TMBIM6: variants seen among roughly 807,000 people sequenced by gnomAD.
TMBIM6 encodes bax inhibitor 1.
A neutral mutation model predicts 31.4 loss-of-function variants in TMBIM6; 13 were observed. The observed-to-expected ratio is 0.41, with a 90% confidence interval of 0.27 to 0.66. The LOEUF is 0.66. TMBIM6 is among the 30% of genes least tolerant of loss of function. The pLI, the probability that TMBIM6 is intolerant of heterozygous loss-of-function variation, is 0.28. For synonymous variants in TMBIM6, 85 were observed against 101.7 expected, an observed-to-expected ratio of 0.84 and a Z score of 0.99; for missense variants, 275 against 289.5, an observed-to-expected ratio of 0.95 and a Z score of 0.36.
intron 3 of TMBIM6, among the ~76,000 whole-genome samples, chr12:49,755,212 C>T (rs1463578179): frequency 6.6e-6 from 1 of 152,162 alleles, no homozygotes; most frequent in East Asian, 1.9e-4. Context: ...CCACCTCGGC[C>T]TCCCAAAGTG....
chr12:49,761,817 G>A, intron 9 of TMBIM6, 38 bp downstream of exon 9: 1 of 1,597,968 alleles, frequency 6.3e-7, no homozygotes, highest in East Asian at 2.2e-5. Context: ...GACAATAATG[G>A]CTCCTGAGCT....
intron 4 of TMBIM6, among the ~76,000 whole-genome samples, chr12:49,756,422 TAGTACC>T (rs1243001752): frequency 6.9e-6 from 1 of 144,238 alleles, no homozygotes; most frequent in East Asian, 2.1e-4. Context: ...GCGTGAGCCA[TAGTACC>T]CTGCCTCCTG....
chr12:49,742,010 C>T (rs1945304003), intron 1 of TMBIM6: 2 of 1,358,286 alleles, frequency 1.5e-6, no homozygotes, highest in East Asian at 2.5e-5. Context: ...CACGTCCTTC[C>T]GAGGTGAAGG....
rs111432591 is a variant in TMBIM6 at position 49,760,038 on chromosome 12, G to T, written c.614+717G>T. 2.7e-5 allele frequency among the ~76,000 whole-genome samples: 4 copies of T among 150,776 alleles called. No homozygotes were observed. In the South Asian group the frequency reaches 8.4e-4, roughly 32 times the overall value. On this transcript the variant is annotated intron_variant, in intron 8 of 9. Coordinates refer to ENST00000267115, the MANE Select transcript of TMBIM6 (RefSeq NM_003217.3). ...GAGGCAGGAGAATGGTGTGAACCGG[G>T]GAGGCGGAGCTTGCAGTGAGCGGAG... is the stretch of plus-strand genomic sequence containing the variant.
chr12:49,743,951 T>G (rs147145452), intron 1 of TMBIM6, among the ~76,000 whole-genome samples: 5 of 152,166 alleles, frequency 3.3e-5, no homozygotes, highest in Admixed American at 6.5e-5. Context: ...CAGGTATTGA[T>G]CATCATCGTT....
At chr12:49,747,896 G>GT (rs887487099) in intron 1 of TMBIM6, among the ~76,000 whole-genome samples, 9 of 151,884 alleles carry the variant, frequency 5.9e-5, no homozygotes, top group South Asian at 2.1e-4. Context: ...GAATGGTTGT[G>GT]TTTTTTTTAA....
chr12:49,760,146 T>C (rs1945687291), intron 8 of TMBIM6, among the ~76,000 whole-genome samples: 1 of 150,356 alleles, frequency 6.7e-6, no homozygotes, highest in Non-Finnish European at 1.5e-5. Flanking sequence ...GGGGGGTGGC[T>C]ATATATTTAC....
chr12:49,743,531 GAA>G (rs1201518005), intron 1 of TMBIM6: 3 of 151,962 alleles, frequency 2.0e-5, no homozygotes, highest in Non-Finnish European at 4.4e-5. Context: ...CTTTCCTAAA[GAA>G]AAAGAGTCAT....
intron 1 of TMBIM6, 62 bp from the exon 2 acceptor site, chr12:49,752,402 T>TA: frequency 8.0e-7 from 1 of 1,252,496 alleles, no homozygotes; most frequent in Non-Finnish European, 1.1e-6. Context: ...TTTTTTTTTT[T>TA]TTATAAGCTG....
chr12:49,753,908 A>G (rs935627514), intron 3 of TMBIM6, among the ~76,000 whole-genome samples: 1 of 150,190 alleles, frequency 6.7e-6, no homozygotes, highest in Non-Finnish European at 1.5e-5. Context: ...TAACCCCAAA[A>G]TCAATACTCA....
At chr12:49,745,931 A>G (rs937750567) in intron 1 of TMBIM6, among the ~76,000 whole-genome samples, 14 of 152,170 alleles carry the variant, frequency 9.2e-5, no homozygotes, top group Non-Finnish European at 1.6e-4. Context: ...TTGGTAGGTT[A>G]TATGTAGTAA....
At position 49,759,332 on chromosome 12, in the gene TMBIM6, G is replaced by A; in HGVS notation, c.614+11G>A. ...TCAAGATTATATCTGGTGAGTGTGG[G>A]AACTAGTCTTTAACAAGCATGAAGG... On this transcript the variant is annotated intron_variant, in intron 8 of 9. Transcript: ENST00000267115. 1.2e-6 allele frequency: 2 copies of A among 1,604,936 alleles called. No individual in the cohort carries two copies. Among genetic ancestry groups the A allele is most frequent in the East Asian group, 2.2e-5 (1 of 44,830 alleles).
At chr12:49,760,707 C>T (rs1309676931) in intron 8 of TMBIM6, among the ~76,000 whole-genome samples, 1 of 151,596 alleles carries the variant, frequency 6.6e-6, no homozygotes, top group Non-Finnish European at 1.5e-5. Flanking sequence ...CAGCTAATTT[C>T]TGTAATTTTA....
At chr12:49,757,252 T>C (rs914410717) in intron 4 of TMBIM6, among the ~76,000 whole-genome samples, 1 of 152,262 alleles carries the variant, frequency 6.6e-6, no homozygotes, top group African/African-American at 2.4e-5. Context: ...ACTGTGACTC[T>C]ACTTTTGTGT....
chr12:49,760,044 G>A (rs1359675552), intron 8 of TMBIM6, among the ~76,000 whole-genome samples: 3 of 150,492 alleles, frequency 2.0e-5, no homozygotes, highest in Admixed American at 6.6e-5. Flanking sequence ...CCGGGGAGGC[G>A]GAGCTTGCAG....
intron 8 of TMBIM6, among the ~76,000 whole-genome samples, chr12:49,760,746 G>T (rs917397935): frequency 1.3e-5 from 2 of 151,590 alleles, no homozygotes; most frequent in Non-Finnish European, 2.9e-5. Flanking sequence ...ACGTTGCCCC[G>T]TGAGGACATG....
chr12:49,757,827 T>G (rs1047046354), intron 4 of TMBIM6, among the ~76,000 whole-genome samples: 30 of 152,372 alleles, frequency 2.0e-4, no homozygotes, highest in African/African-American at 7.2e-4. Context: ...GAGTCAGTCC[T>G]ACATGACTAT....
chr12:49,757,280 G>T (rs1352836291), intron 4 of TMBIM6, among the ~76,000 whole-genome samples: 3 of 152,224 alleles, frequency 2.0e-5, no homozygotes, highest in Non-Finnish European at 4.4e-5. Flanking sequence ...TAGCCATTGT[G>T]TACTTGAATG....
chr12:49,742,585 A>G (rs1042551215), intron 1 of TMBIM6: 1 of 249,918 alleles, frequency 4.0e-6, no homozygotes, highest in Non-Finnish European at 7.6e-6. Flanking sequence ...TGCTTGAAAC[A>G]GACAAGGATT....
Sources: gnomAD v4.1 joint callset for allele counts (sites outside exome capture counted in the v4.1 genomes callset) on GRCh38, gnomAD v4.1.1 for gene constraint, MANE v1.5 for transcripts, NCBI Gene and HGNC (gene_info 2026-07-23, HGNC 2026-07-21) for gene names.